FAM221B: variants seen among roughly 807,000 people sequenced by gnomAD.
FAM221B encodes protein FAM221B.
FAM221B carries 35 observed loss-of-function variants against 39.8 expected under a neutral mutation model. The ratio of observed to expected loss-of-function variants is 0.88; its 90% CI spans 0.67 to 1.17. The LOEUF (loss-of-function observed/expected upper bound fraction) is 1.17, where lower values mean the gene tolerates loss of function less well. FAM221B is among the 50% of genes most tolerant of loss of function. FAM221B has a pLI of 0.00. For synonymous variants in FAM221B, 158 were observed against 178.1 expected, an observed-to-expected ratio of 0.89 and a Z score of 0.90; for missense variants, 479 against 503.1, an observed-to-expected ratio of 0.95 and a Z score of 0.46.
intron 3 of FAM221B, among the ~76,000 whole-genome samples, chr9:35,824,938 C>T (rs987498918): frequency 7.9e-5 from 12 of 152,200 alleles, no homozygotes; most frequent in Non-Finnish European, 1.5e-4. Flanking sequence ...ATCTCGGCCT[C>T]CCAAAGTGCT....
chr9:35,826,704 A>G (rs1829378797), intron 1 of FAM221B: 2 of 154,886 alleles, frequency 1.3e-5, no homozygotes. Flanking sequence ...CAAAGCTTTA[A>G]CTACTTCCAG....
In FAM221B at chr9:35,825,587, G is replaced by A; in HGVS notation, c.575C>T (p.Thr192Ile). ...GCCTAGTTGGTGTCCAGGTTGGGCTGTGTGAGCAGTGCTGTCACTGGCATC... is the reference window on the plus strand; with the variant it reads ...GCCTAGTTGGTGTCCAGGTTGGGCTATGTGAGCAGTGCTGTCACTGGCATC... ...GVDASDSTAH[T>I]AQPGHQLGNT... The change falls in exon 2 of 7, where the codon ACA becomes ATA. Residue 192 changes from threonine (T) to isoleucine (I), a missense_variant. Transcript: ENST00000423537. The surrounding 1 kb of genome is among the most constrained non-coding windows in gnomAD (Gnocchi z 4.2). 2 of 1,613,016 alleles carry A rather than the reference G, an allele frequency of 1.2e-6. No homozygotes were observed. Among genetic ancestry groups the A allele is most frequent in the Non-Finnish European group, 1.7e-6 (2 of 1,179,390 alleles).
chr9:35,823,613 G>C (rs13297513), intron 3 of FAM221B, among the ~76,000 whole-genome samples: 36,687 of 151,980 alleles, frequency 0.24, 4,897 homozygotes, highest in East Asian at 0.37. Flanking sequence ...AATACAGTGG[G>C]CTTGAGGAGT....
intron 3 of FAM221B, among the ~76,000 whole-genome samples, chr9:35,822,069 G>A (rs1829163320): frequency 6.6e-6 from 1 of 152,194 alleles, no homozygotes; most frequent in African/African-American, 2.4e-5. Context: ...CAGGAACAAT[G>A]TCTCCAGCCT....
intron 6 of FAM221B, 133 bp downstream of exon 6, chr9:35,818,757 G>A: frequency 8.2e-7 from 1 of 1,224,234 alleles, no homozygotes; most frequent in Non-Finnish European, 1.1e-6. Context: ...GATGCAGGTA[G>A]GTGGGTGGTG....
Position 35,819,976 on chromosome 9 carries a change from G to A in FAM221B, c.767C>T (p.Pro256Leu), listed in dbSNP as rs763334473. The A allele has an allele frequency of 1.9e-6, 3 of 1,613,940 alleles. No individual in the cohort carries two copies. Among genetic ancestry groups the A allele is most frequent in the Admixed American group, 1.7e-5 (1 of 59,998 alleles). Residue 256 changes from proline to leucine, a missense_variant, in exon 4 of 7, where the codon CCC (proline) becomes CTC (leucine). By Grantham distance (98) the Pro-to-Leu change is moderately conservative (BLOSUM62 -3). Transcript: ENST00000423537. ...CCGGAAACAGTCCCATAGGTAATGG[G>A]GGCAGCGCCAGCCAATGTAGAGACC... The part of the protein sequence containing the change: ...QTGLYIGWRC[P>L]HYLWDCFRIG...
chr9:35,820,547 G>T (rs1431712555), intron 3 of FAM221B, among the ~76,000 whole-genome samples: 3 of 152,164 alleles, frequency 2.0e-5, no homozygotes, highest in Non-Finnish European at 4.4e-5. Flanking sequence ...TAGGAGGAGG[G>T]CTTCCTCTCA....
In FAM221B at chr9:35,817,610, G is replaced by A. The variant is rs1424237993; in HGVS notation, c.*859C>T. ...GAATCCTGAACTACCCACTGATGAG[G>A]TTTTTCTCCAGTTCCCTACATTAGC... On this transcript the variant is annotated 3_prime_UTR_variant, in exon 7 of 7. Coordinates refer to ENST00000423537, the MANE Select transcript of FAM221B (RefSeq NM_001012446.4). 1 of 152,256 alleles carries A rather than the reference G, an allele frequency of 6.6e-6. No homozygotes were observed. The highest frequency in any genetic ancestry group is 2.4e-5 in the African/African-American group (1 of 41,446). The allele number at this position is 152,256 out of a possible 1,614,324, so 9.4% of individuals were successfully genotyped here.
In FAM221B at chr9:35,828,531, G is replaced by A; in HGVS notation, c.-69C>T. The stretch of plus-strand genomic sequence containing the variant: ...CCTTGACTTAGGATGGCAGGGGGAG[G>A]TGTTGATCCTCAGGGAGGAAAGGCT... On this transcript the variant is annotated 5_prime_UTR_variant, in exon 1 of 7. Coordinates refer to ENST00000423537, the MANE Select transcript of FAM221B (RefSeq NM_001012446.4). The surrounding 1 kb of genome is among the most constrained non-coding windows in gnomAD (Gnocchi z 4.5). 3.0e-6 allele frequency: 3 copies of A among 985,504 alleles called. No individual in the cohort carries two copies. The highest frequency in any genetic ancestry group is 3.6e-6 in the Non-Finnish European group (3 of 829,972). 61.0% of individuals were successfully genotyped at this position (985,504 alleles called of 1,614,324 possible).
intron 3 of FAM221B, among the ~76,000 whole-genome samples, chr9:35,822,395 C>T (rs557738249): frequency 6.6e-6 from 1 of 152,106 alleles, no homozygotes; most frequent in Admixed American, 6.6e-5. Flanking sequence ...CTTTTCTTTT[C>T]CCTACTTTTC....
rs780043955 is a variant in FAM221B at position 35,826,173 on chromosome 9, A to G, written c.1-12T>C. ...TCATGTGCTTCCATCTAGTGGTAGA[A>G]CAGGGTACAGGCTTCATTAGGTTGG... is the stretch of plus-strand genomic sequence containing the variant. On this transcript the variant is annotated splice_polypyrimidine_tract_variant and intron_variant, in intron 1 of 6. Coordinates refer to ENST00000423537, the MANE Select transcript of FAM221B (RefSeq NM_001012446.4). 2 of 1,559,360 alleles carry G rather than the reference A, an allele frequency of 1.3e-6. No individual in the cohort carries two copies. Among genetic ancestry groups the G allele is most frequent in the Middle Eastern group, 1.8e-4 (1 of 5,462 alleles).
intron 1 of FAM221B, among the ~76,000 whole-genome samples, chr9:35,827,294 A>G (rs1829405731): frequency 6.6e-6 from 1 of 152,130 alleles, no homozygotes; most frequent in South Asian, 2.1e-4. Flanking sequence ...AGTTCTCATC[A>G]TCTTCAGCCT....
rs1829310023 is a variant in FAM221B at position 35,825,329 on chromosome 9, C to T, written c.643G>A (p.Val215Met). 1 of 1,614,138 alleles carries T rather than the reference C, an allele frequency of 6.2e-7. No individual in the cohort carries two copies. The highest frequency in any genetic ancestry group is 1.3e-5 in the African/African-American group (1 of 74,938). The change falls in exon 3 of 7, where the codon GTG becomes ATG. Residue 215 changes from valine to methionine, a missense_variant. Physicochemically the swap from Val to Met is conservative, Grantham distance 21. Transcript: ENST00000423537. This position sits in a 1 kb window ranked among gnomAD's most constrained non-coding sequence, Gnocchi z 4.2. ...CTATGCATTGCCTTAGCCACTTCCA[C>T]CAGCTCTGTCTGCCTAGCAGGGAAC... Reference protein sequence around the residue: ...PVFPARQTELVEVAKAMHREE... With the variant: ...PVFPARQTELMEVAKAMHREE...
chr9:35,827,024 C>T (rs1194345495), intron 1 of FAM221B: 1 of 152,258 alleles, frequency 6.6e-6, no homozygotes, highest in Non-Finnish European at 1.5e-5. Context: ...TCAGGCTGGT[C>T]TTGAACTCCT....
chr9:35,818,832 G>T, intron 6 of FAM221B, 58 bp downstream of exon 6: 2 of 1,546,588 alleles, frequency 1.3e-6, no homozygotes, highest in South Asian at 1.2e-5. Context: ...GTGCCTTCCT[G>T]CCTGGCCTTC....
intron 3 of FAM221B, among the ~76,000 whole-genome samples, chr9:35,824,135 T>G (rs1286613971): frequency 6.6e-6 from 1 of 152,134 alleles, no homozygotes; most frequent in Non-Finnish European, 1.5e-5. Context: ...TCTTTATGTT[T>G]TAGGCCTGTC....
Position 35,818,181 on chromosome 9 carries a change from T to C in FAM221B, c.*288A>G. 2.2e-6 allele frequency: 1 copy of C among 450,182 alleles called. No individual in the cohort carries two copies. The allele number at this position is 450,182 out of a possible 1,614,324, so 27.9% of individuals were successfully genotyped here. Reference sequence around the variant, plus strand: ...TAATTGCAAAACCCAATGGACACTTTTCAGTCTTTATCTTATTGGTGCCCC... The same window carrying C: ...TAATTGCAAAACCCAATGGACACTTCTCAGTCTTTATCTTATTGGTGCCCC... On this transcript the variant is annotated 3_prime_UTR_variant, in exon 7 of 7. Coordinates refer to ENST00000423537, the MANE Select transcript of FAM221B (RefSeq NM_001012446.4).
Position 35,818,226 on chromosome 9 carries a change from T to C in FAM221B, c.*243A>G, listed in dbSNP as rs1480292963. On this transcript the variant is annotated 3_prime_UTR_variant, in exon 7 of 7. Coordinates refer to ENST00000423537, the MANE Select transcript of FAM221B (RefSeq NM_001012446.4). ...TGCCCCAACTGCATCTAACATCACT[T>C]CCCACTCTATCCTTCTTGAAACTTC... 1 of 550,348 alleles carries C rather than the reference T, an allele frequency of 1.8e-6. No homozygotes were observed. Among genetic ancestry groups the C allele is most frequent in the Non-Finnish European group, 3.3e-6 (1 of 305,626 alleles). The allele number at this position is 550,348 out of a possible 1,614,324, so 34.1% of individuals were successfully genotyped here. A position where few individuals can be genotyped will look rare whatever the true frequency, so the allele number is the denominator to read the frequency against.
intron 3 of FAM221B, among the ~76,000 whole-genome samples, chr9:35,821,275 A>T (rs2132141521): frequency 6.6e-6 from 1 of 152,330 alleles, no homozygotes; most frequent in African/African-American, 2.4e-5. Flanking sequence ...TTGCCTGATT[A>T]AACAATTGAG....
Sources: allele counts gnomAD v4.1 joint callset (sites outside exome capture counted in the v4.1 genomes callset), GRCh38; gene constraint gnomAD v4.1.1; non-coding constraint Gnocchi (gnomAD v3.1); transcripts MANE v1.5; gene names NCBI Gene and HGNC (gene_info 2026-07-23, HGNC 2026-07-21).